MON2: variants seen among roughly 807,000 people sequenced by gnomAD.
MON2 encodes the protein protein MON2 homolog.
MON2 carries 84 observed loss-of-function variants against 208.6 expected under a neutral mutation model. That is an observed-to-expected ratio of 0.40 (90% CI 0.34 to 0.48). The LOEUF (loss-of-function observed/expected upper bound fraction) is 0.48. Among genes scored for constraint, MON2 ranks in the 20% least tolerant of loss-of-function variants. The pLI, the probability that MON2 is intolerant of heterozygous loss-of-function variation, is 0.59. For synonymous variants in MON2, 660 were observed against 694.0 expected, an observed-to-expected ratio of 0.95 and a Z score of 0.77; for missense variants, 1,611 against 2,015.4, an observed-to-expected ratio of 0.80 and a Z score of 3.84.
At chr12:62,502,694 TA>T (rs1399190874) in intron 7 of MON2, among the ~76,000 whole-genome samples, 11 of 152,292 alleles carry the variant, frequency 7.2e-5, no homozygotes, top group South Asian at 6.2e-4. Flanking sequence ...TCACATAACT[TA>T]AATGGAAAAC....
chr12:62,507,583 T>C (rs1427506474), intron 7 of MON2, among the ~76,000 whole-genome samples: 1 of 152,032 alleles, frequency 6.6e-6, no homozygotes, highest in East Asian at 1.9e-4. Flanking sequence ...CCTCCCAAAG[T>C]GCTAAGATTC....
intron 26 of MON2, among the ~76,000 whole-genome samples, chr12:62,564,148 T>C (rs2074291168): frequency 1.3e-5 from 2 of 152,146 alleles, no homozygotes; most frequent in South Asian, 4.1e-4. Flanking sequence ...ATCTACTTTA[T>C]ATCTCAGTGC....
chr12:62,492,055 A>T (rs930644333), intron 2 of MON2, among the ~76,000 whole-genome samples: 3 of 152,226 alleles, frequency 2.0e-5, no homozygotes, highest in African/African-American at 7.2e-5. Flanking sequence ...TTTTGGGAAC[A>T]CTGTTCATTG....
chr12:62,477,636 G>A (rs545200103), intron 1 of MON2, among the ~76,000 whole-genome samples: 3 of 146,904 alleles, frequency 2.0e-5, no homozygotes, highest in Non-Finnish European at 3.0e-5. Context: ...AGGCGGTCAC[G>A]AGCTCTGAGG....
rs2075569221 is a variant in MON2 at position 62,598,446 on chromosome 12, A to AT, written c.*5698dup. 1 of 152,148 alleles carries AT rather than the reference A, an allele frequency of 6.6e-6. No individual in the cohort carries two copies. The highest frequency in any genetic ancestry group is 1.5e-5 in the Non-Finnish European group (1 of 67,998). The allele number at this position is 152,148 out of a possible 1,614,324, so 9.4% of individuals were successfully genotyped here. A position where few individuals can be genotyped will look rare whatever the true frequency, so the allele number is the denominator to read the frequency against. ...TTTACTAGATGGAGAAAAATACTCC[A>AT]TACCTATATTGCAATTTTATTTTTA... On this transcript the variant is annotated 3_prime_UTR_variant, in exon 35 of 35. Coordinates refer to ENST00000393630, the MANE Select transcript of MON2 (RefSeq NM_015026.3).
Position 62,466,914 on chromosome 12 carries a change from G to T in MON2, c.-294G>T. 1 of 503,906 alleles carries T rather than the reference G, an allele frequency of 2.0e-6. No individual in the cohort carries two copies. The highest frequency in any genetic ancestry group is 3.0e-5 in the South Asian group (1 of 33,220). 31.2% of individuals were successfully genotyped at this position (503,906 alleles called of 1,614,324 possible). A position where few individuals can be genotyped will look rare whatever the true frequency, so the allele number is the denominator to read the frequency against. On this transcript the variant is annotated 5_prime_UTR_variant, in exon 1 of 35. Transcript: ENST00000393630. ...AGGTTGGCTGGTGACACCCGGTGTG[G>T]CTGGGCCCCGCGGCAGCGGAGGGAC...
At chr12:62,487,772 A>G (rs2069884907) in intron 2 of MON2, among the ~76,000 whole-genome samples, 1 of 152,152 alleles carries the variant, frequency 6.6e-6, no homozygotes, top group South Asian at 2.1e-4. Context: ...CTAATGAGTA[A>G]ATAATTATGT....
chr12:62,479,971 G>A (rs757222586), intron 1 of MON2, among the ~76,000 whole-genome samples: 7 of 152,194 alleles, frequency 4.6e-5, no homozygotes, highest in Non-Finnish European at 8.8e-5. Flanking sequence ...GAAGACCTCT[G>A]TTCATACAGA....
In MON2 at chr12:62,571,553, T is replaced by C; in HGVS notation, c.4485T>C (p.Asn1495=). Residue 1495 remains asparagine, a synonymous_variant, in exon 30 of 35, where the codon AAT becomes AAC. Coordinates refer to ENST00000393630, the MANE Select transcript of MON2 (RefSeq NM_015026.3). Reference sequence around the variant, plus strand: ...ACAGTATGTGGCCAGAACTAGCCAATACTTTTGAAGATTTTCTCTTTACTA... The same window carrying C: ...ACAGTATGTGGCCAGAACTAGCCAACACTTTTGAAGATTTTCTCTTTACTA... ...KFDSMWPELA[N]TFEDFLFTKS... The C allele has an allele frequency of 6.2e-7, 1 of 1,610,378 alleles. No homozygotes were observed. The highest frequency in any genetic ancestry group is 1.3e-5 in the African/African-American group (1 of 74,888).
rs79598735 is a variant in MON2, at chr12:62,584,009, G to A, written c.4700-1285G>A. 9.0e-3 allele frequency among the ~76,000 whole-genome samples: 1,358 copies of A among 150,284 alleles called. 9 individuals carry two copies. Among genetic ancestry groups the A allele is most frequent in the East Asian group, 0.031 (157 of 5,102 alleles). ...AAAACAGACAGTGGAATTCTCAGAC[G>A]CAGTATTGGATGCTAAAAGACATTG... On this transcript the variant is annotated intron_variant, in intron 32 of 34. Transcript: ENST00000393630.
At chr12:62,535,478 T>A in intron 13 of MON2, 47 bp from the exon 14 acceptor site, 1 of 1,343,066 alleles carries the variant, frequency 7.4e-7, no homozygotes, top group Middle Eastern at 1.9e-4. Flanking sequence ...CTTTACAATG[T>A]AATTAAAAAT....
intron 29 of MON2, among the ~76,000 whole-genome samples, chr12:62,570,635 A>T (rs1190814590): frequency 6.6e-6 from 1 of 151,970 alleles, no homozygotes; most frequent in Non-Finnish European, 1.5e-5. Context: ...AGATGACTGC[A>T]TAAGCAATAT....
At chr12:62,483,509 T>G (rs2069569429) in intron 1 of MON2, among the ~76,000 whole-genome samples, 2 of 152,180 alleles carry the variant, frequency 1.3e-5, no homozygotes, top group African/African-American at 2.4e-5. Context: ...AAGACCAGCC[T>G]GGCCAACTAA....
chr12:62,496,857 C>T (rs1267179345), intron 4 of MON2, among the ~76,000 whole-genome samples: 5 of 150,226 alleles, frequency 3.3e-5, no homozygotes, highest in South Asian at 2.1e-4. Flanking sequence ...CACATGCACA[C>T]GTATGTTTAT....
At chr12:62,535,044 A>C (rs112536570) in intron 13 of MON2, 118 bp downstream of exon 13, 1 of 749,686 alleles carries the variant, frequency 1.3e-6, no homozygotes, top group African/African-American at 1.8e-5. Flanking sequence ...TATATGTGTG[A>C]AACATTATTC....
chr12:62,578,908 A>G (rs1488693703), intron 31 of MON2, among the ~76,000 whole-genome samples: 2 of 152,168 alleles, frequency 1.3e-5, no homozygotes, highest in African/African-American at 4.8e-5. Flanking sequence ...TATACAGCCT[A>G]TGGAATTCTT....
chr12:62,560,330 T>C, intron 25 of MON2, 161 bp from the exon 26 acceptor site: 1 of 667,386 alleles, frequency 1.5e-6, no homozygotes, highest in African/African-American at 1.9e-5. Flanking sequence ...TTGTGATAAT[T>C]TTAATTCCCA....
At chr12:62,494,872 A>T in intron 3 of MON2, 144 bp from the exon 4 acceptor site, 1 of 511,182 alleles carries the variant, frequency 2.0e-6, no homozygotes, top group South Asian at 4.1e-5. Context: ...ATGTGTTTGG[A>T]TCTAGAAATC....
chr12:62,534,261 C>T (rs988035585), intron 12 of MON2, among the ~76,000 whole-genome samples: 6 of 151,456 alleles, frequency 4.0e-5, no homozygotes, highest in Admixed American at 3.9e-4. Context: ...TGGCTCACGC[C>T]TGTAATCCCA....
Sources: gnomAD v4.1 joint callset for allele counts (sites outside exome capture counted in the v4.1 genomes callset) on GRCh38, gnomAD v4.1.1 for gene constraint, MANE v1.5 for transcripts, NCBI Gene and HGNC (gene_info 2026-07-23, HGNC 2026-07-21) for gene names.